The following MCPH1 variants were observed in gnomAD, a reference collection of about 807,000 sequenced individuals.
The protein encoded by MCPH1 is microcephalin.
Under a neutral mutation model 84.5 loss-of-function variants are expected in MCPH1, and 104 were observed. The ratio of observed to expected loss-of-function variants is 1.23; its 90% CI spans 1.05 to 1.45. The LOEUF is 1.45. MCPH1 is among the 40% of genes most tolerant of loss of function. The pLI is 0.00. For synonymous variants in MCPH1, 514 were observed against 366.8 expected, an observed-to-expected ratio of 1.40 and a Z score of -4.58; for missense variants, 1,498 against 1,005.7, an observed-to-expected ratio of 1.49 and a Z score of -6.62.
At chr8:6,542,351 C>G (rs933485740) in intron 12 of MCPH1, among the ~76,000 whole-genome samples, 5 of 151,698 alleles carry the variant, frequency 3.3e-5, no homozygotes, top group African/African-American at 1.2e-4. Flanking sequence ...TGTTTCAGTT[C>G]TCTAAGAAAC....
At chr8:6,596,265 GT>G in intron 12 of MCPH1, among the ~76,000 whole-genome samples, 1 of 152,026 alleles carries the variant, frequency 6.6e-6, no homozygotes, top group East Asian at 1.9e-4. Context: ...TTGGGTTTGC[GT>G]TTGCTCCCCT....
At chr8:6,458,471 C>CAA (rs544975666) in intron 9 of MCPH1, among the ~76,000 whole-genome samples, 4 of 86,664 alleles carry the variant, frequency 4.6e-5, no homozygotes, top group East Asian at 3.6e-4. Flanking sequence ...GACTCCTTCT[C>CAA]AAAAAAAAAA....
chr8:6,542,885 G>C (rs1821867068), intron 12 of MCPH1, among the ~76,000 whole-genome samples: 1 of 152,176 alleles, frequency 6.6e-6, no homozygotes, highest in Non-Finnish European at 1.5e-5. Flanking sequence ...GCGAAACTTA[G>C]ATGATTTTCT....
intron 8 of MCPH1, among the ~76,000 whole-genome samples, chr8:6,451,889 C>G (rs1313507712): frequency 6.6e-6 from 1 of 152,202 alleles, no homozygotes; most frequent in East Asian, 1.9e-4. Flanking sequence ...ACCCTTGACT[C>G]TTGCATAGTG....
At chr8:6,538,228 G>T (rs188305170) in intron 12 of MCPH1, among the ~76,000 whole-genome samples, 2 of 152,080 alleles carry the variant, frequency 1.3e-5, no homozygotes, top group East Asian at 1.9e-4. Context: ...ACATTTTACT[G>T]TTGCCCACTT....
At chr8:6,447,275 A>G in intron 8 of MCPH1, 2 of 985,424 alleles carry the variant, frequency 2.0e-6, no homozygotes, top group Non-Finnish European at 2.4e-6. Flanking sequence ...AGATGAAACC[A>G]TAAAGCCTTC....
chr8:6,496,280 T>C (rs1378780394), intron 11 of MCPH1, among the ~76,000 whole-genome samples: 2 of 152,052 alleles, frequency 1.3e-5, no homozygotes, highest in Admixed American at 6.6e-5. Flanking sequence ...GGTTCGCAAT[T>C]CTATGAGAAT....
At chr8:6,449,778 C>G (rs142916350) in intron 8 of MCPH1, among the ~76,000 whole-genome samples, 10 of 152,290 alleles carry the variant, frequency 6.6e-5, no homozygotes, top group African/African-American at 2.4e-4. Context: ...CCTCTGACAG[C>G]ACAAGAGAGA....
At position 6,532,527 on chromosome 8, in the gene MCPH1, T is replaced by C. The variant is rs111337624; in HGVS notation, c.2214+32598T>C. On this transcript the variant is annotated intron_variant, in intron 12 of 13. Coordinates refer to ENST00000344683, the MANE Select transcript of MCPH1 (RefSeq NM_024596.5). ...TGTTAGAAGGCAGTCATTAGTCAAATGACCGGAAACCTGATTCCTAAATGT... is the reference window on the plus strand; with the variant it reads ...TGTTAGAAGGCAGTCATTAGTCAAACGACCGGAAACCTGATTCCTAAATGT... 6.0e-6 allele frequency: 9 copies of C among 1,505,162 alleles called. No individual in the cohort carries two copies. In the African/African-American group the frequency reaches 7.1e-5, roughly 12 times the overall value. 93.2% of individuals were successfully genotyped at this position (1,505,162 alleles called of 1,614,324 possible). A position where few individuals can be genotyped will look rare whatever the true frequency, so the allele number is the denominator to read the frequency against.
chr8:6,418,886 T>C (rs1213401133), intron 3 of MCPH1, among the ~76,000 whole-genome samples: 1 of 152,156 alleles, frequency 6.6e-6, no homozygotes, highest in Non-Finnish European at 1.5e-5. Flanking sequence ...GGCCAGGATT[T>C]TTTTTTTAAG....
At chr8:6,611,663 G>T (rs1015825660) in intron 12 of MCPH1, among the ~76,000 whole-genome samples, 8 of 151,952 alleles carry the variant, frequency 5.3e-5, no homozygotes, top group African/African-American at 1.9e-4. Context: ...CTGTCTCCCA[G>T]GCTGGAGTGC....
intron 9 of MCPH1, chr8:6,474,184 G>T (rs75692067): frequency 6.9e-6 from 5 of 722,768 alleles, no homozygotes; most frequent in Non-Finnish European, 1.0e-5. Flanking sequence ...CAGCTACTCT[G>T]TCTTCATCTA....
chr8:6,482,537 G>C (rs1809374669), intron 11 of MCPH1, among the ~76,000 whole-genome samples: 1 of 152,118 alleles, frequency 6.6e-6, no homozygotes, highest in South Asian at 2.1e-4. Context: ...CCTTCCCTCA[G>C]GTTTTGGAGG....
intron 12 of MCPH1, among the ~76,000 whole-genome samples, chr8:6,550,816 G>A (rs1444935930): frequency 1.3e-5 from 2 of 152,166 alleles, no homozygotes; most frequent in Non-Finnish European, 2.9e-5. Flanking sequence ...AATTGAGTGA[G>A]ACGATGTAAG....
At chr8:6,557,213 T>A (rs924605435) in intron 12 of MCPH1, among the ~76,000 whole-genome samples, 3 of 152,160 alleles carry the variant, frequency 2.0e-5, no homozygotes, top group African/African-American at 7.2e-5. Context: ...CGTGTTTGCT[T>A]TACCGCTGGG....
chr8:6,445,139 A>C lies in MCPH1; in HGVS notation c.1417A>C (p.Ile473Leu), dbSNP rs1245850569. ...TGGCAAAAAAACCAGAACAGTTGAC[A>C]TTACCAATTTCACAGCAAAAACCAT... is the stretch of plus-strand genomic sequence containing the variant. ...CVGKKTRTVD[I>L]TNFTAKTISS... Residue 473 changes from isoleucine to leucine, a missense_variant, in exon 8 of 14, where the codon ATT becomes CTT. Ile to Leu is a conservative substitution (Grantham distance 5, BLOSUM62 2). Coordinates refer to ENST00000344683, the MANE Select transcript of MCPH1 (RefSeq NM_024596.5). 4.3e-6 allele frequency: 7 copies of C among 1,614,128 alleles called. No individual in the cohort carries two copies. The Admixed American group carries it at 1.0e-4, about 23-fold the overall frequency.
chr8:6,444,547 T>G lies in MCPH1; in HGVS notation c.825T>G (p.His275Gln), dbSNP rs1803983012. 6.2e-7 allele frequency: 1 copy of G among 1,614,206 alleles called. No homozygotes were observed. The highest frequency in any genetic ancestry group is 8.5e-7 in the Non-Finnish European group (1 of 1,180,014). Residue 275 changes from histidine (H) to glutamine (Q), a missense_variant, in exon 8 of 14, where the codon CAT (histidine) becomes CAG (glutamine). His to Gln is a conservative substitution (Grantham distance 24). Transcript: ENST00000344683. Reference sequence around the variant, plus strand: ...TTGTATTGAAAGCAAATAATATTCATTCATCACCATCTTTCACTCACCTCG... The same window carrying G: ...TTGTATTGAAAGCAAATAATATTCAGTCATCACCATCTTTCACTCACCTCG... ...SSLVLKANNI[H>Q]SSPSFTHLDK...
intron 4 of MCPH1, 75 bp from the exon 5 acceptor site, chr8:6,435,973 T>G: frequency 6.4e-7 from 1 of 1,565,734 alleles, no homozygotes; most frequent in Non-Finnish European, 8.7e-7. Context: ...GTATCAGAAA[T>G]GTATGCGAAA....
intron 12 of MCPH1, among the ~76,000 whole-genome samples, chr8:6,526,683 A>T (rs1407914998): frequency 1.3e-5 from 2 of 152,234 alleles, no homozygotes; most frequent in African/African-American, 4.8e-5. Flanking sequence ...TTGAACAAGA[A>T]GTTTATCATT....
Sources: allele counts gnomAD v4.1 joint callset (sites outside exome capture counted in the v4.1 genomes callset), GRCh38; gene constraint gnomAD v4.1.1; transcripts MANE v1.5; gene names NCBI Gene and HGNC (gene_info 2026-07-23, HGNC 2026-07-21).